Variants in MLKL observed in about 807,000 individuals in gnomAD.
MLKL encodes mixed lineage kinase domain like pseudokinase, also known as mixed lineage kinase domain-like protein.
Under a neutral mutation model 56.5 loss-of-function variants are expected in MLKL, and 55 were observed. That is an observed-to-expected ratio of 0.97 (90% CI 0.78 to 1.22). The LOEUF is 1.22. Among genes scored for constraint, MLKL ranks in the 50% most tolerant of loss-of-function variants. The probability of loss-of-function intolerance (pLI) is 0.00; values close to 1 mark genes in which losing one functional copy is unlikely to be tolerated. For synonymous variants in MLKL, 251 were observed against 208.3 expected, an observed-to-expected ratio of 1.20 and a Z score of -1.76; for missense variants, 694 against 573.9, an observed-to-expected ratio of 1.21 and a Z score of -2.14.
At chr16:74,677,071 G>GA (rs1358004693) in intron 7 of MLKL, 5 of 150,448 alleles carry the variant, frequency 3.3e-5, no homozygotes, top group African/African-American at 7.5e-5. Flanking sequence ...TTTATTTTTT[G>GA]AGACGGAGTC....
At chr16:74,681,476 A>C (rs928531094) in intron 6 of MLKL, among the ~76,000 whole-genome samples, 9 of 152,060 alleles carry the variant, frequency 5.9e-5, no homozygotes, top group Admixed American at 1.3e-4. Context: ...TCTGCAGGTG[A>C]GAATAGGTAG....
rs532478459 is a variant in MLKL at position 74,691,036 on chromosome 16, G to A, written c.722+241C>T. On this transcript the variant is annotated intron_variant, in intron 4 of 10. Coordinates refer to ENST00000308807, the MANE Select transcript of MLKL (RefSeq NM_152649.4). ...GAGGGGATGAGCAACTGGGAAACAA[G>A]GTTGGAAGGGAAAGTTGTTTTTTTT... Among the ~76,000 whole-genome samples, 9 of 151,084 alleles carry A rather than the reference G, an allele frequency of 6.0e-5. No individual in the cohort carries two copies. The South Asian group carries it at 1.9e-3, about 32-fold the overall frequency.
At chr16:74,689,089 CTCCT>C (rs1177259373) in intron 4 of MLKL, among the ~76,000 whole-genome samples, 1 of 148,462 alleles carries the variant, frequency 6.7e-6, no homozygotes, top group Admixed American at 6.7e-5. Context: ...TATAGGGTTT[CTCCT>C]TCCTTCCTTC....
intron 4 of MLKL, among the ~76,000 whole-genome samples, chr16:74,688,196 C>G (rs889893558): frequency 6.6e-6 from 1 of 151,572 alleles, no homozygotes; most frequent in East Asian, 2.0e-4. Context: ...TCTCAAACTC[C>G]TGACCTCAAG....
rs949654381 is a variant in MLKL at position 74,672,208 on chromosome 16, T to G, written c.*296A>C. The G allele has an allele frequency of 4.6e-5, 14 of 302,122 alleles. No individual in the cohort carries two copies. The Admixed American group carries it at 6.4e-4, about 14-fold the overall frequency. The allele number at this position is 302,122 out of a possible 1,614,324, so 18.7% of individuals were successfully genotyped here. ...GATTCAAATGGTGGGGAAAGAGACT[T>G]CATTTATGGAAGGGAGGAGCTGCAA... On this transcript the variant is annotated 3_prime_UTR_variant, in exon 11 of 11. Coordinates refer to ENST00000308807, the MANE Select transcript of MLKL (RefSeq NM_152649.4).
At chr16:74,673,814 G>A (rs2144437328) in intron 10 of MLKL, among the ~76,000 whole-genome samples, 1 of 152,154 alleles carries the variant, frequency 6.6e-6, no homozygotes, top group Admixed American at 6.6e-5. Flanking sequence ...CTGTGGTGGT[G>A]CCTGTTGTCC....
In MLKL at chr16:74,682,874, A is replaced by T. The variant is rs986693854; in HGVS notation, c.821-88T>A. 3 of 1,489,964 alleles carry T rather than the reference A, an allele frequency of 2.0e-6. No individual in the cohort carries two copies. In the African/African-American group the frequency reaches 4.2e-5, roughly 21 times the overall value. The allele number at this position is 1,489,964 out of a possible 1,614,324, so 92.3% of individuals were successfully genotyped here. On this transcript the variant is annotated intron_variant, in intron 5 of 10. Transcript: ENST00000308807. ...CCCACCTCTCCCAGCCTCGGTACAG[A>T]TACAGACTTGGCTCTGCTGAGTCCC... is the stretch of plus-strand genomic sequence containing the variant.
intron 1 of MLKL, among the ~76,000 whole-genome samples, chr16:74,697,829 A>C (rs1268871113): frequency 6.6e-6 from 1 of 152,036 alleles, no homozygotes. Context: ...AAAAACAAAC[A>C]GGTGAAAAGT....
rs561162254 is a variant in MLKL, at chr16:74,685,157, C to T, written c.820+329G>A. Among the ~76,000 whole-genome samples the T allele has an allele frequency of 4.4e-4, 67 of 152,270 alleles. No individual in the cohort carries two copies. In the South Asian group the frequency reaches 0.012, roughly 28 times the overall value. ...GGGATTACAGGTGTGAGCCACTGCACCTGGCAGCTTTATAATGTTTTAGAG... is the reference window on the plus strand; with the variant it reads ...GGGATTACAGGTGTGAGCCACTGCATCTGGCAGCTTTATAATGTTTTAGAG... On this transcript the variant is annotated intron_variant, in intron 5 of 10. Transcript: ENST00000308807.
chr16:74,695,988 C>T (rs981678954), intron 1 of MLKL, among the ~76,000 whole-genome samples: 3 of 152,206 alleles, frequency 2.0e-5, no homozygotes, highest in Admixed American at 1.3e-4. Context: ...ATCTCCCAGC[C>T]TTCCTTGCAA....
intron 6 of MLKL, 99 bp from the exon 7 acceptor site, chr16:74,679,079 G>A: frequency 1.1e-6 from 1 of 897,246 alleles, no homozygotes; most frequent in African/African-American, 1.6e-5. Flanking sequence ...ACAGTACCAT[G>A]GGTGCCTGTC....
intron 8 of MLKL, 29 bp from the exon 9 acceptor site, chr16:74,675,433 C>A (rs773001158): frequency 4.3e-6 from 7 of 1,610,140 alleles, no homozygotes; most frequent in Non-Finnish European, 5.9e-6. Context: ...ACTGAACAAC[C>A]ATAACTAGTC....
At chr16:74,699,130 CA>C (rs201119656) in intron 1 of MLKL, among the ~76,000 whole-genome samples, 1 of 149,008 alleles carries the variant, frequency 6.7e-6, no homozygotes, top group Admixed American at 6.7e-5. Context: ...AAAACAAAAA[CA>C]AAAAAAAAGA....
chr16:74,673,835 A>G (rs575454327), intron 10 of MLKL, among the ~76,000 whole-genome samples: 1 of 151,966 alleles, frequency 6.6e-6, no homozygotes. Context: ...TAGCTACTCT[A>G]GAGACTAAGG....
intron 3 of MLKL, 49 bp from the exon 4 acceptor site, chr16:74,691,512 G>C (rs1960678155): frequency 6.3e-7 from 1 of 1,575,884 alleles, no homozygotes; most frequent in Admixed American, 1.9e-5. Flanking sequence ...AATGAGCAGA[G>C]GAAGGGGTCC....
Position 74,675,068 on chromosome 16 carries a change from C to A in MLKL, c.1273G>T (p.Ala425Ser), listed in dbSNP as rs1175020291. The A allele has an allele frequency of 6.2e-7, 1 of 1,614,110 alleles. No individual in the cohort carries two copies. The highest frequency in any genetic ancestry group is 1.1e-5 in the South Asian group (1 of 91,072). Residue 425 changes from alanine to serine, a missense_variant, in exon 10 of 11, where the codon GCT (alanine) becomes TCT (serine). By Grantham distance (99) the Ala-to-Ser change is moderately conservative. Coordinates refer to ENST00000308807, the MANE Select transcript of MLKL (RefSeq NM_152649.4). ...CNSEKIRKLV[A>S]VKRQQEPLGE... The stretch of plus-strand genomic sequence containing the variant: ...AGTGGCTCCTGCTGCCGCTTCACAG[C>A]CACCAGCTTGCGGATCTTCTCAGAA...
At chr16:74,693,912 A>C (rs1217330602) in intron 2 of MLKL, among the ~76,000 whole-genome samples, 1 of 152,132 alleles carries the variant, frequency 6.6e-6, no homozygotes, top group Non-Finnish European at 1.5e-5. Context: ...CGAAATGGTA[A>C]ATTTTATGTT....
chr16:74,673,724 G>C (rs1200504960), intron 10 of MLKL, among the ~76,000 whole-genome samples: 2 of 152,034 alleles, frequency 1.3e-5, no homozygotes, highest in African/African-American at 4.8e-5. Flanking sequence ...AGGAAAAAAG[G>C]AGAAAGATAG....
chr16:74,683,072 A>T (rs1960092487), intron 5 of MLKL, among the ~76,000 whole-genome samples: 2 of 152,282 alleles, frequency 1.3e-5, no homozygotes, highest in Admixed American at 1.3e-4. Context: ...GCACTTTGGG[A>T]GACCAATGTG....
Sources: allele counts gnomAD v4.1 joint callset (sites outside exome capture counted in the v4.1 genomes callset), GRCh38; gene constraint gnomAD v4.1.1; transcripts MANE v1.5; gene names NCBI Gene and HGNC (gene_info 2026-07-23, HGNC 2026-07-21).